Variants in TMPRSS6 observed in about 807,000 individuals in gnomAD.
The protein encoded by TMPRSS6 is transmembrane serine protease 6, also known as transmembrane protease serine 6.
A neutral mutation model predicts 101.5 loss-of-function variants in TMPRSS6; 67 were observed. The ratio of observed to expected loss-of-function variants is 0.66; its 90% CI spans 0.54 to 0.81. TMPRSS6 has a LOEUF of 0.81. Ranked by LOEUF, TMPRSS6 falls within the 30% of genes least tolerant of loss-of-function variation. TMPRSS6 has a pLI of 0.00. For missense variants in TMPRSS6, 1,034 were observed against 1,088.7 expected (o/e 0.95, Z 0.71); for synonymous variants, 453 against 464.9 (o/e 0.97, Z 0.33).
intron 7 of TMPRSS6, among the ~76,000 whole-genome samples, chr22:37,086,700 G>T (rs1039013074): frequency 3.3e-5 from 5 of 152,056 alleles, no homozygotes; most frequent in African/African-American, 1.2e-4. Context: ...GATGATGACG[G>T]CTGGCTCGAG....
In TMPRSS6 at chr22:37,073,513, T is replaced by C. The variant is rs776328755; in HGVS notation, c.1555+19A>G. On this transcript the variant is annotated intron_variant, in intron 13 of 17. Coordinates refer to ENST00000676104, the MANE Select transcript of TMPRSS6 (RefSeq NM_001374504.1). ...CTGCCTTTGGTGTCCCTCCAGACAC[T>C]CGGCTAGGCCTGCCCTACCTTCCTG... The C allele has an allele frequency of 7.0e-6, 11 of 1,573,918 alleles. No homozygotes were observed. In the East Asian group the frequency reaches 2.5e-4, roughly 35 times the overall value.
At chr22:37,073,740 T>G (rs1446940153) in intron 12 of TMPRSS6, 95 bp from the exon 13 acceptor site, 2 of 802,944 alleles carry the variant, frequency 2.5e-6, no homozygotes, top group African/African-American at 3.4e-5. Flanking sequence ...GTATTGCACG[T>G]TACCAATCAC....
At chr22:37,074,233 A>G (rs1248684438) in intron 12 of TMPRSS6, among the ~76,000 whole-genome samples, 2 of 152,212 alleles carry the variant, frequency 1.3e-5, no homozygotes, top group East Asian at 1.9e-4. Flanking sequence ...TCCCCCCACC[A>G]TGAACATCTC....
intron 1 of TMPRSS6, among the ~76,000 whole-genome samples, chr22:37,107,556 A>G (rs1332754589): frequency 1.3e-5 from 2 of 149,828 alleles, no homozygotes; most frequent in Non-Finnish European, 3.0e-5. Flanking sequence ...GCAATAGCCA[A>G]TCACCCACCC....
At position 37,072,593 on chromosome 22, in the gene TMPRSS6, TGATG is replaced by T. The variant is rs1353914197; in HGVS notation, c.1555+935_1555+938del. ...GATGGATGGATGATGGATGGATGGA[TGATG>T]GATGGATGGATGGATGATGGACGAT... is the stretch of plus-strand genomic sequence containing the variant. On this transcript the variant is annotated intron_variant, in intron 13 of 17. Coordinates refer to ENST00000676104, the MANE Select transcript of TMPRSS6 (RefSeq NM_001374504.1). Among the ~76,000 whole-genome samples the T allele has an allele frequency of 1.4e-4, 15 of 104,696 alleles. 1 individual carries two copies. The East Asian group carries it at 2.4e-3, about 17-fold the overall frequency. 68.7% of individuals were successfully genotyped at this position (104,696 alleles called of 152,430 possible). A position where few individuals can be genotyped will look rare whatever the true frequency, so the allele number is the denominator to read the frequency against.
Position 37,073,638 on chromosome 22 carries a change from T to C in TMPRSS6, c.1449A>G (p.Arg483=). ...TGTCCTCTTTGCACTGGAATGTGGC[T>C]CTGCAAACTGTGTGGGGACACAGAG... ...NGLDERNCVC[R]ATFQCKEDST... The change falls in exon 13 of 18, where the codon AGA becomes AGG. Residue 483 remains arginine, a synonymous_variant. Transcript: ENST00000676104. 6.2e-7 allele frequency: 1 copy of C among 1,612,564 alleles called. No homozygotes were observed. The highest frequency in any genetic ancestry group is 8.5e-7 in the Non-Finnish European group (1 of 1,178,602).
chr22:37,073,433 TG>T (rs1284592725), intron 13 of TMPRSS6, 98 bp downstream of exon 13: 10 of 734,644 alleles, frequency 1.4e-5, no homozygotes, highest in South Asian at 1.0e-4. Context: ...GAGGGGTTGG[TG>T]GGTGTTGAGA....
Position 37,075,298 on chromosome 22 carries a change from C to T in TMPRSS6, c.1197-18G>A, listed in dbSNP as rs9610642. On this transcript the variant is annotated intron_variant, in intron 10 of 17. Coordinates refer to ENST00000676104, the MANE Select transcript of TMPRSS6 (RefSeq NM_001374504.1). ...CACACAGCCTGGGGGGAGTCAGAGA[C>T]GACTCAGGGCTGCACTGGCTGGTCT... 41 of 1,612,846 alleles carry T rather than the reference C, an allele frequency of 2.5e-5. No individual in the cohort carries two copies. Among genetic ancestry groups the T allele is most frequent in the African/African-American group, 1.5e-4 (11 of 74,932 alleles).
In TMPRSS6 at chr22:37,066,086, C is replaced by T. The variant is rs768479094; in HGVS notation, c.2403G>A (p.Val801=). 1.2e-6 allele frequency: 2 copies of T among 1,613,578 alleles called. No individual in the cohort carries two copies. Among genetic ancestry groups the T allele is most frequent in the South Asian group, 2.2e-5 (2 of 91,072 alleles). The part of the protein sequence containing the change: ...TGVISWIQQV[V]T Reference sequence around the variant, plus strand: ...TTTGCAGGGGGGCAGTTCCTCAGGTCACCACTTGCTGGATCCAGCTGATCA... The same window carrying T: ...TTTGCAGGGGGGCAGTTCCTCAGGTTACCACTTGCTGGATCCAGCTGATCA... Residue 801 remains valine (V), a synonymous_variant, in exon 18 of 18, where the codon GTG becomes GTA. Coordinates refer to ENST00000676104, the MANE Select transcript of TMPRSS6 (RefSeq NM_001374504.1).
intron 9 of TMPRSS6, 148 bp from the exon 10 acceptor site, chr22:37,084,552 C>A (rs1364685347): frequency 2.4e-6 from 2 of 819,198 alleles, no homozygotes; most frequent in Admixed American, 4.1e-5. Flanking sequence ...TTGCTGTGAC[C>A]CACAGAGGGA....
intron 13 of TMPRSS6, among the ~76,000 whole-genome samples, chr22:37,072,779 G>C (rs1927213012): frequency 6.8e-6 from 1 of 146,184 alleles, no homozygotes; most frequent in South Asian, 2.3e-4. Context: ...TGGATGGATG[G>C]ATGATGGACG....
chr22:37,090,343 G>A (rs1929158108), intron 6 of TMPRSS6, among the ~76,000 whole-genome samples: 1 of 152,228 alleles, frequency 6.6e-6, no homozygotes, highest in African/African-American at 2.4e-5. Flanking sequence ...CTGGACATGG[G>A]CTGGCTTGGA....
rs1434640930 is a variant in TMPRSS6 at position 37,065,883 on chromosome 22, C to T, written c.*197G>A. On this transcript the variant is annotated 3_prime_UTR_variant, in exon 18 of 18. Coordinates refer to ENST00000676104, the MANE Select transcript of TMPRSS6 (RefSeq NM_001374504.1). The stretch of plus-strand genomic sequence containing the variant: ...CTGGGTCCTCAGGGGACGTCTTGAC[C>T]CCCAGCTGCTGGCACTTCTCCATCC... The T allele has an allele frequency of 2.9e-6, 2 of 692,012 alleles. No homozygotes were observed. Among genetic ancestry groups the T allele is most frequent in the Non-Finnish European group, 4.8e-6 (2 of 414,118 alleles). 42.9% of individuals were successfully genotyped at this position (692,012 alleles called of 1,614,324 possible). A position where few individuals can be genotyped will look rare whatever the true frequency, so the allele number is the denominator to read the frequency against.
At chr22:37,095,644 A>AT (rs1929686733) in intron 5 of TMPRSS6, 52 bp from the exon 6 acceptor site, 17 of 1,471,560 alleles carry the variant, frequency 1.2e-5, no homozygotes, top group Non-Finnish European at 1.4e-5. Context: ...AAAAAAAAAA[A>AT]GAAAAGAAAA....
At chr22:37,098,621 C>G in intron 2 of TMPRSS6, 72 bp from the exon 3 acceptor site, 2 of 1,608,460 alleles carry the variant, frequency 1.2e-6, no homozygotes, top group Non-Finnish European at 8.5e-7. Context: ...TCCATGCCTT[C>G]TCCTGCCACC....
At chr22:37,080,041 A>G (rs1262348665) in intron 10 of TMPRSS6, 1 of 152,288 alleles carries the variant, frequency 6.6e-6, no homozygotes, top group African/African-American at 2.4e-5. Flanking sequence ...GCGAATCACA[A>G]GAGAAGTGAT....
chr22:37,065,874 C>T lies in TMPRSS6; in HGVS notation c.*206G>A, dbSNP rs995371825. 15 of 645,746 alleles carry T rather than the reference C, an allele frequency of 2.3e-5. No individual in the cohort carries two copies. The highest frequency in any genetic ancestry group is 8.3e-5 in the East Asian group (3 of 36,102). 40.0% of individuals were successfully genotyped at this position (645,746 alleles called of 1,614,324 possible). ...GGTGTGGGCCTGGGTCCTCAGGGGA[C>T]GTCTTGACCCCCAGCTGCTGGCACT... On this transcript the variant is annotated 3_prime_UTR_variant, in exon 18 of 18. Transcript: ENST00000676104.
At chr22:37,070,105 G>A (rs539859786) in intron 15 of TMPRSS6, among the ~76,000 whole-genome samples, 1 of 152,262 alleles carries the variant, frequency 6.6e-6, no homozygotes. Flanking sequence ...CTGCTACCTC[G>A]TGTCACACCT....
At chr22:37,070,812 TAGAG>T (rs984728439) in intron 14 of TMPRSS6, 100 bp downstream of exon 14, 15 of 1,342,102 alleles carry the variant, frequency 1.1e-5, no homozygotes, top group South Asian at 3.5e-5. Context: ...GAGGATGAGA[TAGAG>T]AGAGACCAGG....
Sources: gnomAD v4.1 joint callset for allele counts (sites outside exome capture counted in the v4.1 genomes callset) on GRCh38, gnomAD v4.1.1 for gene constraint, MANE v1.5 for transcripts, NCBI Gene and HGNC (gene_info 2026-07-23, HGNC 2026-07-21) for gene names.